Variants in NELL1 observed in about 807,000 individuals in gnomAD.
The protein encoded by NELL1 is protein kinase C-binding protein NELL1.
Under a neutral mutation model 107.4 loss-of-function variants are expected in NELL1, and 76 were observed. The observed-to-expected ratio is 0.71, with a 90% CI of 0.59 to 0.86. The LOEUF is 0.86. Ranked by LOEUF, NELL1 falls within the 40% of genes least tolerant of loss-of-function variation. NELL1 has a pLI of 0.00. For missense variants in NELL1, 1,024 were observed against 1,005.5 expected (o/e 1.02, Z -0.25); for synonymous variants, 353 against 341.2 (o/e 1.03, Z -0.38).
chr11:20,899,757 AT>A (rs1390182399), intron 5 of NELL1, among the ~76,000 whole-genome samples: 1 of 152,176 alleles, frequency 6.6e-6, no homozygotes, highest in Non-Finnish European at 1.5e-5. Context: ...TATATTAGAA[AT>A]AAAAAAAGCA....
chr11:20,753,252 T>A lies in NELL1; in HGVS notation c.185-30428T>A, dbSNP rs529755284. ...ATGTGCTAATGGCTTCTATGCTATC[T>A]GTCCTTATTATTTTTAATGGAGAAA... is the stretch of plus-strand genomic sequence containing the variant. On this transcript the variant is annotated intron_variant, in intron 2 of 19. Transcript: ENST00000357134. Among the ~76,000 whole-genome samples, 4 of 152,360 alleles carry A rather than the reference T, an allele frequency of 2.6e-5. No individual in the cohort carries two copies. The South Asian group carries it at 8.3e-4, about 32-fold the overall frequency.
Position 21,574,993 on chromosome 11 carries a change from G to A in NELL1, c.2404G>A (p.Val802Met), listed in dbSNP as rs201257099. 287 of 1,610,998 alleles carry A rather than the reference G, an allele frequency of 1.8e-4. No individual in the cohort carries two copies. Among genetic ancestry groups the A allele is most frequent in the Middle Eastern group, 3.3e-4 (2 of 6,060 alleles). The stretch of plus-strand genomic sequence containing the variant: ...ACAGAATGGAAGAGTCTGTTGTTCT[G>A]TGGATTTTGAGTGTCTTCAAAATAA... ...KCKNGRVCCSVDFECLQNN is the reference protein window; with the variant it reads ...KCKNGRVCCSMDFECLQNN Residue 802 changes from valine (V) to methionine (M), a missense_variant, in exon 20 of 20, where the codon GTG (valine) becomes ATG (methionine). Physicochemically the swap from Val to Met is conservative, Grantham distance 21. Coordinates refer to ENST00000357134, the MANE Select transcript of NELL1 (RefSeq NM_006157.5).
intron 15 of NELL1, among the ~76,000 whole-genome samples, chr11:21,498,168 G>T: frequency 6.6e-6 from 1 of 151,376 alleles, no homozygotes. Flanking sequence ...CTAATAATTG[G>T]AATATTGTAG....
chr11:20,908,022 G>T (rs941606594), intron 5 of NELL1, among the ~76,000 whole-genome samples: 1 of 152,146 alleles, frequency 6.6e-6, no homozygotes, highest in Non-Finnish European at 1.5e-5. Context: ...ACGCCAGTCA[G>T]AATGGCGATT....
Position 20,731,904 on chromosome 11 carries a change from G to A in NELL1, c.185-51776G>A, listed in dbSNP as rs184244728. ...TGCATATGTGTGGGTAAACACGTTG[G>A]CTTTGTCCTCAGCTGTCTTAGAAGA... On this transcript the variant is annotated intron_variant, in intron 2 of 19. Coordinates refer to ENST00000357134, the MANE Select transcript of NELL1 (RefSeq NM_006157.5). Among the ~76,000 whole-genome samples the A allele has an allele frequency of 1.6e-4, 24 of 152,280 alleles. 1 individual carries two copies. The highest frequency in any genetic ancestry group is 5.8e-4 in the African/African-American group (24 of 41,566).
intron 15 of NELL1, among the ~76,000 whole-genome samples, chr11:21,532,631 C>T (rs973646885): frequency 6.6e-6 from 1 of 152,108 alleles, no homozygotes; most frequent in African/African-American, 2.4e-5. Flanking sequence ...CTGTAGGCAA[C>T]AGGGTCTGTG....
At chr11:20,809,869 A>G (rs971575878) in intron 3 of NELL1, among the ~76,000 whole-genome samples, 4 of 152,210 alleles carry the variant, frequency 2.6e-5, no homozygotes, top group African/African-American at 9.6e-5. Context: ...TTTCCTTTGT[A>G]TATGTACTCA....
intron 13 of NELL1, among the ~76,000 whole-genome samples, chr11:21,150,789 A>G (rs1565085105): frequency 6.6e-6 from 1 of 152,186 alleles, no homozygotes; most frequent in Admixed American, 6.5e-5. Flanking sequence ...TCACACTGCT[A>G]TAAAGAACTA....
intron 13 of NELL1, chr11:21,169,743 T>A (rs4576820): frequency 2.1e-6 from 2 of 970,062 alleles, no homozygotes; most frequent in Non-Finnish European, 1.5e-6. Context: ...ATGTGACCAG[T>A]CTGACTCCTA....
chr11:21,067,226 CTT>C (rs958291301), intron 12 of NELL1, among the ~76,000 whole-genome samples: 9 of 152,052 alleles, frequency 5.9e-5, no homozygotes, highest in Non-Finnish European at 1.0e-4. Context: ...GAAGTTGTAA[CTT>C]TTAAACATAA....
intron 12 of NELL1, among the ~76,000 whole-genome samples, chr11:20,965,349 A>G (rs1159429609): frequency 1.3e-5 from 2 of 152,216 alleles, no homozygotes; most frequent in African/African-American, 2.4e-5. Flanking sequence ...AGTTATTATT[A>G]CCATTATTAT....
rs556591828 is a variant in NELL1, at chr11:20,922,731, A to G, written c.759+3397A>G. ...TAGTGGAGATAGAGAATGGGCTTTAAAGTCAGGCTGATATGATTCTGAGTC... is the reference window on the plus strand; with the variant it reads ...TAGTGGAGATAGAGAATGGGCTTTAGAGTCAGGCTGATATGATTCTGAGTC... On this transcript the variant is annotated intron_variant, in intron 7 of 19. Transcript: ENST00000357134. 2.0e-5 allele frequency among the ~76,000 whole-genome samples: 3 copies of G among 152,196 alleles called. No homozygotes were observed. The South Asian group carries it at 6.2e-4, about 32-fold the overall frequency.
intron 13 of NELL1, among the ~76,000 whole-genome samples, chr11:21,171,186 A>G (rs1856599325): frequency 6.6e-6 from 1 of 151,646 alleles, no homozygotes; most frequent in South Asian, 2.1e-4. Flanking sequence ...CTTTGATATC[A>G]GTTCCTGTAG....
chr11:21,069,654 A>C (rs372977220), intron 12 of NELL1, among the ~76,000 whole-genome samples: 1 of 152,212 alleles, frequency 6.6e-6, no homozygotes, highest in East Asian at 1.9e-4. Context: ...ATTTAAAATT[A>C]TGTTTAAAAT....
At chr11:21,179,862 CT>C (rs1164420669) in intron 13 of NELL1, among the ~76,000 whole-genome samples, 3,141 of 74,888 alleles carry the variant, frequency 0.042, 12 homozygotes, top group South Asian at 0.072. Context: ...AATCAACACA[CT>C]TTTTTTTTTT....
intron 14 of NELL1, among the ~76,000 whole-genome samples, chr11:21,262,128 T>A (rs1848545722): frequency 1.3e-5 from 2 of 151,930 alleles, no homozygotes; most frequent in Admixed American, 1.3e-4. Flanking sequence ...TTATTTAGTT[T>A]ACTATGGTAT....
At chr11:20,716,304 C>T (rs1316270312) in intron 2 of NELL1, among the ~76,000 whole-genome samples, 1 of 152,194 alleles carries the variant, frequency 6.6e-6, no homozygotes, top group Non-Finnish European at 1.5e-5. Context: ...AGTCAAATGG[C>T]TATATAGCTT....
chr11:21,128,745 G>C (rs1343625170), intron 13 of NELL1, among the ~76,000 whole-genome samples: 2 of 152,204 alleles, frequency 1.3e-5, no homozygotes, highest in Non-Finnish European at 2.9e-5. Context: ...GTAAATGACT[G>C]TTACATCACG....
chr11:20,974,711 G>A (rs1377446365), intron 12 of NELL1, among the ~76,000 whole-genome samples: 2 of 151,888 alleles, frequency 1.3e-5, no homozygotes, highest in African/African-American at 4.8e-5. Flanking sequence ...CTCCCTTCTG[G>A]GCTGCTCTTC....
Sources: gnomAD v4.1 joint callset for allele counts (sites outside exome capture counted in the v4.1 genomes callset) on GRCh38, gnomAD v4.1.1 for gene constraint, MANE v1.5 for transcripts, NCBI Gene and HGNC (gene_info 2026-07-23, HGNC 2026-07-21) for gene names.